Variants in SNTG1 observed in about 807,000 individuals in gnomAD.
SNTG1 encodes syntrophin gamma 1.
A neutral mutation model predicts 74.7 loss-of-function variants in SNTG1; 39 were observed. The observed-to-expected ratio is 0.52, with a 90% CI of 0.40 to 0.68. The LOEUF is 0.68. Among genes scored for constraint, SNTG1 ranks in the 30% least tolerant of loss-of-function variants. The pLI, the probability that SNTG1 is intolerant of heterozygous loss-of-function variation, is 0.00. For missense variants in SNTG1, 685 were observed against 609.5 expected (o/e 1.12, Z -1.30); for synonymous variants, 254 against 217.1 (o/e 1.17, Z -1.49).
At chr8:50,019,507 T>C (rs1816630982) in intron 1 of SNTG1, among the ~76,000 whole-genome samples, 1 of 152,122 alleles carries the variant, frequency 6.6e-6, no homozygotes, top group African/African-American at 2.4e-5. Flanking sequence ...TTTATCTTGC[T>C]TTCTGTATCT....
intron 4 of SNTG1, among the ~76,000 whole-genome samples, chr8:50,409,523 G>A (rs1382003960): frequency 6.6e-6 from 1 of 152,212 alleles, no homozygotes; most frequent in Non-Finnish European, 1.5e-5. Flanking sequence ...TAAAGTGACT[G>A]TTGATCAGAA....
intron 1 of SNTG1, among the ~76,000 whole-genome samples, chr8:49,990,137 A>G (rs1392069351): frequency 6.6e-6 from 1 of 151,934 alleles, no homozygotes. Flanking sequence ...AGAAAGAAAT[A>G]CAACTGTCTC....
intron 1 of SNTG1, among the ~76,000 whole-genome samples, chr8:50,091,228 A>T (rs188203037): frequency 6.6e-6 from 1 of 152,152 alleles, no homozygotes; most frequent in Non-Finnish European, 1.5e-5. Context: ...TGGTAAAATG[A>T]TTACTACAGT....
At chr8:50,778,117 G>A (rs920585332) in intron 18 of SNTG1, among the ~76,000 whole-genome samples, 1 of 152,112 alleles carries the variant, frequency 6.6e-6, no homozygotes, top group African/African-American at 2.4e-5. Flanking sequence ...GGACATTTGG[G>A]TTGCTTCCAA....
chr8:50,040,120 T>C (rs879813346), intron 1 of SNTG1, among the ~76,000 whole-genome samples: 1 of 152,096 alleles, frequency 6.6e-6, no homozygotes, highest in Non-Finnish European at 1.5e-5. Flanking sequence ...AGCAGGAGTT[T>C]AGAACACCAC....
chr8:50,783,262 C>G (rs183793474), intron 18 of SNTG1, among the ~76,000 whole-genome samples: 2 of 152,202 alleles, frequency 1.3e-5, no homozygotes. Context: ...GCAGAGGTTA[C>G]TGCTGTCTTT....
At chr8:50,370,613 C>T (rs2092244714) in intron 2 of SNTG1, among the ~76,000 whole-genome samples, 1 of 152,118 alleles carries the variant, frequency 6.6e-6, no homozygotes, top group South Asian at 2.1e-4. Flanking sequence ...CTTAACCTTA[C>T]ATTGCCTGAA....
intron 1 of SNTG1, among the ~76,000 whole-genome samples, chr8:49,917,073 G>C (rs1036488113): frequency 6.6e-6 from 1 of 151,824 alleles, no homozygotes; most frequent in Non-Finnish European, 1.5e-5. Context: ...CAAGGGGTGA[G>C]AAATAAGTAT....
chr8:50,090,588 C>T (rs1021477904), intron 1 of SNTG1, among the ~76,000 whole-genome samples: 8 of 152,198 alleles, frequency 5.3e-5, no homozygotes, highest in Non-Finnish European at 8.8e-5. Flanking sequence ...ATTAGCTTGG[C>T]CGGGTGAAGA....
chr8:50,020,003 C>T (rs1199737060), intron 1 of SNTG1, among the ~76,000 whole-genome samples: 1 of 152,078 alleles, frequency 6.6e-6, no homozygotes, highest in Non-Finnish European at 1.5e-5. Context: ...ACAGCAGAAT[C>T]CATGACCACT....
intron 8 of SNTG1, among the ~76,000 whole-genome samples, chr8:50,473,002 G>T (rs1191080822): frequency 6.6e-6 from 1 of 152,114 alleles, no homozygotes; most frequent in Non-Finnish European, 1.5e-5. Flanking sequence ...AGTTAGGAAT[G>T]CCACTATTAA....
intron 13 of SNTG1, among the ~76,000 whole-genome samples, chr8:50,603,978 C>T (rs1417847713): frequency 6.6e-6 from 1 of 152,162 alleles, no homozygotes; most frequent in East Asian, 1.9e-4. Flanking sequence ...CTGGCTACCA[C>T]CTAGGTTCAC....
Position 50,722,446 on chromosome 8 carries a change from G to T in SNTG1, c.1284+13468G>T, listed in dbSNP as rs1182134744. On this transcript the variant is annotated intron_variant, in intron 17 of 18. Coordinates refer to ENST00000642720, the MANE Select transcript of SNTG1 (RefSeq NM_018967.5). ...CCACCTCAGCCTCCCAGTGTGCTGG[G>T]ATTACAGGCGTGAACCACCACACCT... Among the ~76,000 whole-genome samples, 5 of 151,988 alleles carry T rather than the reference G, an allele frequency of 3.3e-5. No individual in the cohort carries two copies. The East Asian group carries it at 9.7e-4, about 29-fold the overall frequency.
chr8:50,585,273 A>C (rs912956636), intron 12 of SNTG1, among the ~76,000 whole-genome samples: 7 of 152,246 alleles, frequency 4.6e-5, no homozygotes, highest in African/African-American at 1.7e-4. Context: ...TTGTAGAGTG[A>C]TGTGTTGGGC....
At chr8:50,044,593 AC>A (rs1299071519) in intron 1 of SNTG1, among the ~76,000 whole-genome samples, 1 of 152,178 alleles carries the variant, frequency 6.6e-6, no homozygotes, top group Non-Finnish European at 1.5e-5. Context: ...GGAGCCTAGA[AC>A]CTGGACTTCT....
chr8:49,912,961 C>T (rs1166391970), intron 1 of SNTG1, among the ~76,000 whole-genome samples: 1 of 152,164 alleles, frequency 6.6e-6, no homozygotes, highest in South Asian at 2.1e-4. Flanking sequence ...GTGATAGGGA[C>T]CAGTAGGTTC....
chr8:50,586,856 A>G (rs879668117), intron 12 of SNTG1, among the ~76,000 whole-genome samples: 8 of 152,112 alleles, frequency 5.3e-5, no homozygotes, highest in Admixed American at 5.2e-4. Context: ...TTAAAAAAAA[A>G]GTAAAGATTA....
At chr8:50,758,024 A>G (rs2095585853) in intron 18 of SNTG1, among the ~76,000 whole-genome samples, 1 of 151,852 alleles carries the variant, frequency 6.6e-6, no homozygotes, top group African/African-American at 2.4e-5. Flanking sequence ...CTTATACACA[A>G]TCCTATACAA....
chr8:50,539,603 C>A (rs926679254), intron 11 of SNTG1, among the ~76,000 whole-genome samples: 1 of 152,154 alleles, frequency 6.6e-6, no homozygotes, highest in Non-Finnish European at 1.5e-5. Flanking sequence ...CTGGGCCACA[C>A]CTGTCAGCAT....
Sources: allele counts gnomAD v4.1 joint callset (sites outside exome capture counted in the v4.1 genomes callset), GRCh38; gene constraint gnomAD v4.1.1; transcripts MANE v1.5; gene names NCBI Gene and HGNC (gene_info 2026-07-23, HGNC 2026-07-21).